Variants in PIK3R3 observed in about 807,000 individuals in gnomAD.
PIK3R3 encodes phosphatidylinositol 3-kinase regulatory subunit gamma.
Under a neutral mutation model 62.9 loss-of-function variants are expected in PIK3R3, and 64 were observed. That is an observed-to-expected ratio of 1.02 (90% confidence interval 0.83 to 1.25). The LOEUF (loss-of-function observed/expected upper bound fraction) is 1.25, where lower values mean the gene tolerates loss of function less well. PIK3R3 is among the 50% of genes most tolerant of loss of function. PIK3R3 has a pLI of 0.00. For synonymous variants in PIK3R3, 165 were observed against 189.0 expected (o/e 0.87, Z 1.04); for missense variants, 614 against 561.6 (o/e 1.09, Z -0.94).
At chr1:46,097,332 C>T (rs1300270166) in intron 1 of PIK3R3, among the ~76,000 whole-genome samples, 7 of 151,640 alleles carry the variant, frequency 4.6e-5, no homozygotes, top group African/African-American at 1.7e-4. Flanking sequence ...CACCTTGAGG[C>T]CAAGAGTTCA....
chr1:46,100,148 T>G (rs2149440383), intron 1 of PIK3R3, among the ~76,000 whole-genome samples: 1 of 152,314 alleles, frequency 6.6e-6, no homozygotes, highest in East Asian at 1.9e-4. Context: ...TTTATTTTAA[T>G]CTAGACATAT....
intron 1 of PIK3R3, among the ~76,000 whole-genome samples, chr1:46,129,410 T>G (rs4660342): frequency 0.56 from 68,708 of 122,850 alleles, 15,867 homozygotes; most frequent in East Asian, 0.65. Flanking sequence ...ATTTTATTTA[T>G]TTATTTATTT....
chr1:46,082,735 G>A (rs1025824720), intron 1 of PIK3R3, among the ~76,000 whole-genome samples: 1 of 152,048 alleles, frequency 6.6e-6, no homozygotes, highest in South Asian at 2.1e-4. Flanking sequence ...ATCTTGGGGG[G>A]AAGGAGAACA....
chr1:46,061,253 G>T (rs750686205), intron 6 of PIK3R3, among the ~76,000 whole-genome samples: 2 of 152,138 alleles, frequency 1.3e-5, no homozygotes, highest in Non-Finnish European at 2.9e-5. Context: ...AATAATCTTT[G>T]ACTTCTCCCA....
chr1:46,114,851 G>A (rs1030162269), intron 1 of PIK3R3, among the ~76,000 whole-genome samples: 12 of 143,816 alleles, frequency 8.3e-5, no homozygotes, highest in Admixed American at 2.2e-4. Context: ...CTGGACTCAC[G>A]TAATCCTCCC....
the PIK3R3 span, among the ~76,000 whole-genome samples, chr1:46,159,003 C>T: frequency 6.6e-6 from 1 of 152,050 alleles, no homozygotes; most frequent in African/African-American, 2.4e-5. Context: ...AGGAGAATTG[C>T]TTGAATCTGG....
At chr1:46,067,331 A>G (rs1649107032) in intron 3 of PIK3R3, among the ~76,000 whole-genome samples, 1 of 150,114 alleles carries the variant, frequency 6.7e-6, no homozygotes, top group Non-Finnish European at 1.5e-5. Flanking sequence ...AAAGGTCAAC[A>G]TATCTACACA....
chr1:46,164,060 C>A, the PIK3R3 span, among the ~76,000 whole-genome samples: 20 of 152,302 alleles, frequency 1.3e-4, no homozygotes, highest in Admixed American at 5.2e-4. Context: ...AGCCAGGGAA[C>A]AAACAACCAG....
chr1:46,162,583 T>A, the PIK3R3 span, among the ~76,000 whole-genome samples: 1 of 152,138 alleles, frequency 6.6e-6, no homozygotes, highest in African/African-American at 2.4e-5. Flanking sequence ...AAATACATGA[T>A]ACTCTGATTT....
upstream of PIK3R3, chr1:46,133,003 AG>A (rs1182962451): frequency 9.4e-7 from 1 of 1,066,006 alleles, no homozygotes; most frequent in Non-Finnish European, 1.1e-6. Context: ...GAGGGAAGAG[AG>A]GCAAGGTGGG....
chr1:46,131,646 C>A, intron 1 of PIK3R3: 1 of 479,594 alleles, frequency 2.1e-6, no homozygotes, highest in Non-Finnish European at 4.1e-6. Flanking sequence ...CCCCCACCTT[C>A]GCAGGACAAT....
intron 1 of PIK3R3, among the ~76,000 whole-genome samples, chr1:46,116,480 C>T (rs1190763682): frequency 6.6e-6 from 1 of 151,808 alleles, no homozygotes; most frequent in Non-Finnish European, 1.5e-5. Flanking sequence ...ATCAGGGCAC[C>T]GCATGCTAGC....
chr1:46,065,372 A>T (rs1290446328), intron 5 of PIK3R3, among the ~76,000 whole-genome samples: 1 of 152,230 alleles, frequency 6.6e-6, no homozygotes, highest in Non-Finnish European at 1.5e-5. Flanking sequence ...ACTGGCTATT[A>T]AAGTTAATGA....
the PIK3R3 span, among the ~76,000 whole-genome samples, chr1:46,145,685 A>C: frequency 1.3e-5 from 2 of 152,154 alleles, no homozygotes; most frequent in Non-Finnish European, 2.9e-5. Context: ...ACCTCCCAAC[A>C]CTGCCACGTT....
intron 6 of PIK3R3, 86 bp downstream of exon 6, chr1:46,061,843 G>T (rs1444066974): frequency 9.5e-6 from 12 of 1,268,084 alleles, no homozygotes; most frequent in Non-Finnish European, 1.4e-5. Flanking sequence ...CAGTTTGAGG[G>T]GGTAAAAGAA....
the PIK3R3 span, among the ~76,000 whole-genome samples, chr1:46,148,937 C>T: frequency 9.9e-5 from 15 of 152,164 alleles, no homozygotes; most frequent in Non-Finnish European, 1.6e-4. Flanking sequence ...GGGCTGCATC[C>T]CCAGGAGGGG....
At chr1:46,137,691 C>G (rs72677559), upstream of PIK3R3, among the ~76,000 whole-genome samples, 24,584 of 152,198 alleles carry the variant, frequency 0.16, 2,266 homozygotes, top group Middle Eastern at 0.2. Context: ...TCTCCTATCA[C>G]TCTTTAGAGT....
intron 7 of PIK3R3, among the ~76,000 whole-genome samples, chr1:46,053,366 A>C (rs1647554109): frequency 6.6e-6 from 1 of 152,130 alleles, no homozygotes; most frequent in Non-Finnish European, 1.5e-5. Flanking sequence ...CAACCCATTA[A>C]AGAAACTTCC....
the PIK3R3 span, among the ~76,000 whole-genome samples, chr1:46,142,779 G>A: frequency 6.6e-6 from 1 of 152,104 alleles, no homozygotes; most frequent in African/African-American, 2.4e-5. Flanking sequence ...GGGTGGTGGG[G>A]ATGAAGCTAC....
Sources: gnomAD v4.1 joint callset for allele counts (sites outside exome capture counted in the v4.1 genomes callset) on GRCh38, gnomAD v4.1.1 for gene constraint, MANE v1.5 for transcripts, NCBI Gene and HGNC (gene_info 2026-07-23, HGNC 2026-07-21) for gene names.